The following PUDP variants were observed in gnomAD, a reference collection of about 807,000 sequenced individuals.
PUDP encodes the protein pseudouridine-5'-phosphatase.
Under a neutral mutation model 9.4 loss-of-function variants are expected in PUDP, and 8 were observed. That is an observed-to-expected ratio of 0.85 (90% CI 0.50 to 1.53). The LOEUF is 1.53. Ranked by LOEUF, PUDP falls within the 40% of genes most tolerant of loss-of-function variation. The pLI is 0.00. For synonymous variants in PUDP, 99 were observed against 80.7 expected, an observed-to-expected ratio of 1.23 and a Z score of -1.22; for missense variants, 188 against 189.7, an observed-to-expected ratio of 0.99 and a Z score of 0.05.
intron 1 of PUDP, among the ~76,000 whole-genome samples, chrX:6,979,969 G>A (rs1037200269): frequency 3.6e-5 from 4 of 110,414 alleles, no homozygotes; most frequent in Non-Finnish European, 7.6e-5. Context: ...TTAGATTGAG[G>A]GGTTACATGT....
chrX:6,859,031 C>G (rs1602648538), intron 3 of PUDP, among the ~76,000 whole-genome samples: 1 of 111,579 alleles, frequency 9.0e-6, no homozygotes, highest in Non-Finnish European at 1.9e-5. Flanking sequence ...GTTCTCATGA[C>G]AGTGAATACG....
chrX:7,021,669 A>C (rs1929636210), intron 1 of PUDP, among the ~76,000 whole-genome samples: 1 of 112,172 alleles, frequency 8.9e-6, no homozygotes, highest in African/African-American at 3.2e-5. Context: ...TGTCATATCC[A>C]TATGCGTATG....
Position 6,942,396 on chromosome X carries a change from C to T in PUDP, c.*247+34737G>A, listed in dbSNP as rs187954380. Among the ~76,000 whole-genome samples the T allele has an allele frequency of 2.9e-3, 321 of 111,393 alleles. 3 individuals carry two copies. The highest frequency in any genetic ancestry group is 9.8e-3 in the African/African-American group (301 of 30,641). ...TAGGGACCACCACAGGCCCTAGTTTCCTACAATCTTAAGATGACAGACTTC... is the reference window on the plus strand; with the variant it reads ...TAGGGACCACCACAGGCCCTAGTTTTCTACAATCTTAAGATGACAGACTTC... On this transcript the variant is annotated intron_variant and NMD_transcript_variant, in intron 3 of 3. Transcript: ENST00000655425.
intron 1 of PUDP, among the ~76,000 whole-genome samples, chrX:7,025,344 A>G (rs766855743): frequency 1.8e-5 from 2 of 111,980 alleles, no homozygotes; most frequent in South Asian, 7.5e-4. Context: ...CAAAATTCCA[A>G]TTCTGTCTTA....
At chrX:7,002,082 T>A (rs765286914) in intron 1 of PUDP, among the ~76,000 whole-genome samples, 47 of 111,708 alleles carry the variant, frequency 4.2e-4, no homozygotes, top group Non-Finnish European at 8.3e-4. Context: ...GTCTCTAGAC[T>A]ACATTTAAAA....
chrX:6,813,342 T>A lies in PUDP; in HGVS notation c.*248-106876A>T, dbSNP rs200378726. Among the ~76,000 whole-genome samples, 82 of 111,544 alleles carry A rather than the reference T, an allele frequency of 7.4e-4. 1 individual carries two copies. The South Asian group carries it at 0.018, about 24-fold the overall frequency. On this transcript the variant is annotated intron_variant and NMD_transcript_variant, in intron 3 of 3. Coordinates refer to the PUDP transcript ENST00000655425. ...AAAAAGATTCAACTATGGCTTTTTT[T>A]AAAAAATGCTGAAGAGCTTTGTAAC...
chrX:6,890,270 C>T (rs1927493007), intron 3 of PUDP, among the ~76,000 whole-genome samples: 1 of 111,866 alleles, frequency 8.9e-6, no homozygotes, highest in Admixed American at 9.5e-5. Flanking sequence ...GGAACTATTG[C>T]TCTTCAAATA....
chrX:7,019,050 T>C (rs1476304400), intron 1 of PUDP, among the ~76,000 whole-genome samples: 1 of 112,108 alleles, frequency 8.9e-6, no homozygotes, highest in Non-Finnish European at 1.9e-5. Context: ...CATCTCCCCA[T>C]GACCTTTTTT....
chrX:6,713,891 AATTATT>A lies in PUDP; in HGVS notation n.129-7431_129-7426del, dbSNP rs1250058441. ...AACAACAGAGTCTCCAATGGTTTAG[AATTATT>A]ATTATTATTATTACTACGAAGAAAG... On this transcript the variant is annotated intron_variant and non_coding_transcript_variant, in intron 1 of 2. Coordinates refer to the PUDP transcript ENST00000438499. 3.6e-5 allele frequency among the ~76,000 whole-genome samples: 4 copies of A among 110,057 alleles called. No individual in the cohort carries two copies. The Admixed American group carries it at 3.9e-4, about 11-fold the overall frequency.
At chrX:7,132,411 C>T (rs1311485360) in intron 1 of PUDP, among the ~76,000 whole-genome samples, 1 of 111,874 alleles carries the variant, frequency 8.9e-6, no homozygotes, top group Non-Finnish European at 1.9e-5. Flanking sequence ...ACCTCTACTG[C>T]TTGGCTACCT....
chrX:6,926,576 T>C (rs895773988), intron 3 of PUDP, among the ~76,000 whole-genome samples: 2 of 111,965 alleles, frequency 1.8e-5, no homozygotes, highest in African/African-American at 6.6e-5. Flanking sequence ...TTCAGTTTAA[T>C]TAATGCCATC....
chrX:6,976,413 C>T (rs745504177), intron 3 of PUDP, among the ~76,000 whole-genome samples: 6 of 111,611 alleles, frequency 5.4e-5, no homozygotes, highest in African/African-American at 1.9e-4. Flanking sequence ...TGCACCATTC[C>T]TCATGGCACA....
intron 2 of PUDP, among the ~76,000 whole-genome samples, chrX:7,095,140 C>A (rs978763396): frequency 1.2e-4 from 13 of 112,431 alleles, no homozygotes; most frequent in African/African-American, 4.2e-4. Flanking sequence ...TCTACCTCAA[C>A]AGAAGGTCAC....
intron 3 of PUDP, among the ~76,000 whole-genome samples, chrX:6,731,055 T>G (rs1232971463): frequency 2.2e-5 from 2 of 91,840 alleles, no homozygotes; most frequent in African/African-American, 8.0e-5. Context: ...AGGGATGTAG[T>G]CTTTTTATTT....
chrX:7,055,934 C>T (rs1226736298), intron 3 of PUDP, among the ~76,000 whole-genome samples: 3 of 111,940 alleles, frequency 2.7e-5, no homozygotes, highest in Middle Eastern at 4.2e-3. Flanking sequence ...TTCACCCTGA[C>T]TGAACTTGGC....
At chrX:6,972,460 A>G (rs904782296) in intron 3 of PUDP, among the ~76,000 whole-genome samples, 35 of 112,187 alleles carry the variant, frequency 3.1e-4, no homozygotes, top group African/African-American at 1.1e-3. Context: ...ATCTGCTGAG[A>G]TAATCATGTG....
intron 3 of PUDP, among the ~76,000 whole-genome samples, chrX:6,795,021 T>C (rs1261029734): frequency 1.8e-5 from 2 of 109,437 alleles, no homozygotes; most frequent in Non-Finnish European, 1.9e-5. Context: ...ATCTTTATTC[T>C]ATAAGCTTTT....
intron 1 of PUDP, among the ~76,000 whole-genome samples, chrX:7,039,586 A>G (rs1031090194): frequency 9.0e-6 from 1 of 111,618 alleles, no homozygotes; most frequent in African/African-American, 3.3e-5. Context: ...CAGGGAGAAG[A>G]CACCACCTAC....
In PUDP at chrX:7,125,033, TA is replaced by T. The variant is rs1225963360; in HGVS notation, c.62-19196del. Among the ~76,000 whole-genome samples the T allele has an allele frequency of 7.7e-4, 78 of 100,915 alleles. No homozygotes were observed. In the South Asian group the frequency reaches 8.1e-3, roughly 10 times the overall value. 87.6% of individuals were successfully genotyped at this position (100,915 alleles called of 115,157 possible). On this transcript the variant is annotated intron_variant, in intron 1 of 3. Coordinates refer to ENST00000381077, the MANE Select transcript of PUDP (RefSeq NM_012080.5). ...CTTTCAAACATATTAAAAAAAAACA[TA>T]AAAAAAACATAAAAATAAACTTTTA...
Sources: gnomAD v4.1 joint callset for allele counts (sites outside exome capture counted in the v4.1 genomes callset) on GRCh38, gnomAD v4.1.1 for gene constraint, MANE v1.5 for transcripts, NCBI Gene and HGNC (gene_info 2026-07-23, HGNC 2026-07-21) for gene names.